Variants in RHPN1 observed in about 807,000 individuals in gnomAD.
RHPN1 encodes the protein rhophilin Rho GTPase binding protein 1.
RHPN1 carries 77 observed loss-of-function variants against 74.7 expected under a neutral mutation model. That is an observed-to-expected ratio of 1.03 (90% CI 0.86 to 1.25). The LOEUF (loss-of-function observed/expected upper bound fraction) is 1.25. Ranked by LOEUF, RHPN1 falls within the 50% of genes most tolerant of loss-of-function variation. RHPN1 has a pLI of 0.00. For synonymous variants in RHPN1, 444 were observed against 414.5 expected (o/e 1.07, Z -0.87); for missense variants, 987 against 932.2 (o/e 1.06, Z -0.77).
chr8:143,368,983 C>A lies in RHPN1; in HGVS notation c.-5C>A, dbSNP rs914701874. ...CGAGGGACCCCCAGCGCAGCGGGTG[C>A]GGCGATGATCCTGGAGGAGAGGCCG... is the stretch of plus-strand genomic sequence containing the variant. On this transcript the variant is annotated 5_prime_UTR_variant, in exon 1 of 15. Transcript: ENST00000289013. 6.8e-7 allele frequency: 1 copy of A among 1,479,364 alleles called. No individual in the cohort carries two copies. The highest frequency in any genetic ancestry group is 1.3e-5 in the South Asian group (1 of 78,656). 91.6% of individuals were successfully genotyped at this position (1,479,364 alleles called of 1,614,324 possible).
At chr8:143,378,505 G>A (rs1210178415) in intron 5 of RHPN1, among the ~76,000 whole-genome samples, 159 bp downstream of exon 5, 3 of 152,130 alleles carry the variant, frequency 2.0e-5, no homozygotes, top group Non-Finnish European at 4.4e-5. Context: ...GACCCAGCCA[G>A]GGGGCGTGGA....
upstream of RHPN1, chr8:143,368,862 G>C: frequency 3.5e-6 from 2 of 569,928 alleles, no homozygotes; most frequent in Non-Finnish European, 5.3e-6. Context: ...GGACAGTCGG[G>C]GACCGGCGCG....
chr8:143,376,383 T>C (rs1376375283), intron 2 of RHPN1, 142 bp from the exon 3 acceptor site: 3 of 1,170,684 alleles, frequency 2.6e-6, no homozygotes, highest in East Asian at 5.4e-5. Flanking sequence ...GCCCCACCCA[T>C]GGGGGGCAGA....
chr8:143,381,241 C>T, intron 11 of RHPN1, 27 bp from the exon 12 acceptor site: 2 of 1,599,588 alleles, frequency 1.3e-6, no homozygotes, highest in Admixed American at 1.7e-5. Flanking sequence ...AGTCTCCCAG[C>T]TTAGCTCTGC....
chr8:143,371,386 G>T (rs1451136042), intron 1 of RHPN1, among the ~76,000 whole-genome samples: 1 of 152,096 alleles, frequency 6.6e-6, no homozygotes, highest in Non-Finnish European at 1.5e-5. Context: ...AGCATACAGG[G>T]TGCCCAGGGC....
chr8:143,376,942 C>T (rs995709985), intron 3 of RHPN1, among the ~76,000 whole-genome samples: 1 of 142,550 alleles, frequency 7.0e-6, no homozygotes, highest in African/African-American at 2.7e-5. Context: ...GTGTGTGCAT[C>T]TCTGTGCGTG....
At position 143,380,066 on chromosome 8, in the gene RHPN1, G is replaced by A. The variant is rs1319909590; in HGVS notation, c.1107G>A (p.Ala369=). 9.7e-6 allele frequency: 15 copies of A among 1,546,166 alleles called. No individual in the cohort carries two copies. The highest frequency in any genetic ancestry group is 7.8e-5 in the Admixed American group (4 of 50,958). The change falls in exon 10 of 15, where the codon GCG becomes GCA. Residue 369 remains alanine (A), a synonymous_variant. Transcript: ENST00000289013. ...VAMALCDGSP[A]TEGELPTHEQ... Reference sequence around the variant, plus strand: ...CACAGCCTCTCTGTCCCCCAGCAGCGACCGAGGGAGAGCTCCCCACGCACG... The same window carrying A: ...CACAGCCTCTCTGTCCCCCAGCAGCAACCGAGGGAGAGCTCCCCACGCACG...
At chr8:143,378,394 C>T (rs1223834846) in intron 5 of RHPN1, 48 bp downstream of exon 5, 1 of 1,371,640 alleles carries the variant, frequency 7.3e-7, no homozygotes. Context: ...CTGGGAGACA[C>T]ATGCGGAGGC....
At chr8:143,366,571 ACACACG>A (rs1209528167), upstream of RHPN1, 2 of 151,754 alleles carry the variant, frequency 1.3e-5, no homozygotes, top group South Asian at 2.1e-4. Flanking sequence ...ACGCACACGC[ACACACG>A]CACACGCACA....
At chr8:143,374,756 G>A (rs1191386564) in intron 1 of RHPN1, among the ~76,000 whole-genome samples, 2 of 152,224 alleles carry the variant, frequency 1.3e-5, no homozygotes, top group African/African-American at 4.8e-5. Flanking sequence ...GGTGGGGTGG[G>A]CTGAGGCATG....
chr8:143,369,126 G>C (rs1484497300), intron 1 of RHPN1, 79 bp downstream of exon 1: 1 of 1,174,338 alleles, frequency 8.5e-7, no homozygotes, highest in Non-Finnish European at 1.1e-6. Context: ...GGCGCGTTCC[G>C]GGCGCCCCCC....
At chr8:143,364,817 C>T (rs148450326), upstream of RHPN1, among the ~76,000 whole-genome samples, 1 of 152,236 alleles carries the variant, frequency 6.6e-6, no homozygotes, top group African/African-American at 2.4e-5. The surrounding 1 kb of genome is among the most constrained non-coding windows in gnomAD (Gnocchi z 4.5). Context: ...TTCATTTTCA[C>T]GTTCTGTTGA....
rs550491520 is a variant in RHPN1, at chr8:143,377,262, G to T, written c.306-118G>T. The T allele has an allele frequency of 1.2e-5, 9 of 735,434 alleles. 1 individual carries two copies. The African/African-American group carries it at 1.2e-4, about 10-fold the overall frequency. 45.6% of individuals were successfully genotyped at this position (735,434 alleles called of 1,614,324 possible). On this transcript the variant is annotated intron_variant, in intron 3 of 14. Transcript: ENST00000289013. ...GATGCCCCCCAGGACACAGGCGCAC[G>T]TGCACACCCATGAGGGAGGGAGGCA...
rs1818525513 is a variant in RHPN1, at chr8:143,379,348, A to G, written c.785A>G (p.His262Arg). ...AFSLLRENFS[H>R]APSPDMSAAS... is the part of the protein sequence containing the mutation. The stretch of plus-strand genomic sequence containing the variant: ...AGCCTCCTGAGGGAGAACTTCTCCC[A>G]TGCGCCGAGCCCAGACATGAGCGCT... Residue 262 changes from histidine to arginine, a missense_variant, in exon 8 of 15, where the codon CAT becomes CGT. Transcript: ENST00000289013. 3 of 1,602,000 alleles carry G rather than the reference A, an allele frequency of 1.9e-6. No individual in the cohort carries two copies. The highest frequency in any genetic ancestry group is 4.5e-5 in the East Asian group (2 of 44,436).
chr8:143,378,080 T>A (rs1007235039), intron 4 of RHPN1, among the ~76,000 whole-genome samples, 189 bp from the exon 5 acceptor site: 1 of 152,198 alleles, frequency 6.6e-6, no homozygotes, highest in Admixed American at 6.5e-5. Context: ...TCCATACACA[T>A]TGGCCCCCAG....
In RHPN1 at chr8:143,378,302, G is replaced by A. The variant is rs759454447; in HGVS notation, c.415G>A (p.Ala139Thr). 24 of 1,572,542 alleles carry A rather than the reference G, an allele frequency of 1.5e-5. No homozygotes were observed. The highest frequency in any genetic ancestry group is 1.1e-4 in the Admixed American group (6 of 54,554). Residue 139 changes from alanine to threonine, a missense_variant, in exon 5 of 15, where the codon GCC becomes ACC. Ala to Thr is a moderately conservative substitution (Grantham distance 58). Transcript: ENST00000289013. ...LISVHFGEDG[A>T]SYEAEIRELE... ...CTCAGTGCACTTTGGAGAGGACGGCGCCTCCTACGAGGCAGAAATCAGGGA... is the reference window on the plus strand; with the variant it reads ...CTCAGTGCACTTTGGAGAGGACGGCACCTCCTACGAGGCAGAAATCAGGGA...
intron 2 of RHPN1, among the ~76,000 whole-genome samples, 183 bp downstream of exon 2, chr8:143,375,851 G>T (rs926315928): frequency 6.6e-6 from 1 of 152,248 alleles, no homozygotes; most frequent in South Asian, 2.1e-4. Context: ...ACCTGCCTCC[G>T]TGGGCCTCTG....
At chr8:143,376,298 A>G (rs1265885904) in intron 2 of RHPN1, among the ~76,000 whole-genome samples, 2 of 152,222 alleles carry the variant, frequency 1.3e-5, no homozygotes, top group Non-Finnish European at 2.9e-5. Flanking sequence ...GAGTCGGAAC[A>G]TGCAGGTGCT....
intron 14 of RHPN1, 36 bp downstream of exon 14, chr8:143,382,004 C>G: frequency 6.5e-7 from 1 of 1,531,610 alleles, no homozygotes; most frequent in Non-Finnish European, 8.8e-7. Flanking sequence ...CGGTCCCCAG[C>G]TTGCTGTCAC....
Sources: gnomAD v4.1 joint callset for allele counts (sites outside exome capture counted in the v4.1 genomes callset) on GRCh38, gnomAD v4.1.1 for gene constraint, Gnocchi (gnomAD v3.1) non-coding constraint, MANE v1.5 for transcripts, NCBI Gene and HGNC (gene_info 2026-07-23, HGNC 2026-07-21) for gene names.